The following ZEB2 variants were observed in gnomAD, a reference collection of about 807,000 sequenced individuals.
ZEB2 encodes zinc finger E-box binding homeobox 2, also known as zinc finger E-box-binding homeobox 2.
Under a neutral mutation model 99.9 loss-of-function variants are expected in ZEB2, and 6 were observed. The observed-to-expected ratio is 0.06, with a 90% CI of 0.03 to 0.12. ZEB2 has a LOEUF of 0.12. ZEB2 is among the 10% of genes least tolerant of loss of function. The probability of loss-of-function intolerance (pLI) is 1.00; values close to 1 mark genes in which losing one functional copy is unlikely to be tolerated. For synonymous variants in ZEB2, 517 were observed against 542.5 expected (o/e 0.95, Z 0.65); for missense variants, 969 against 1,502.8 (o/e 0.64, Z 5.87).
At chr2:144,483,971 A>C (rs1704555978) in intron 2 of ZEB2, among the ~76,000 whole-genome samples, 1 of 152,182 alleles carries the variant, frequency 6.6e-6, no homozygotes, top group South Asian at 2.1e-4. Flanking sequence ...GGTCAAGCAA[A>C]TCATATTTGG....
chr2:144,425,408 TAAC>T (rs1703679190), intron 3 of ZEB2, among the ~76,000 whole-genome samples: 1 of 152,186 alleles, frequency 6.6e-6, no homozygotes, highest in African/African-American at 2.4e-5. Context: ...ATCCCAGAAG[TAAC>T]AACAATACCT....
chr2:144,429,948 C>A lies in ZEB2; in HGVS notation c.152G>T (p.Gly51Val), dbSNP rs1429970357. The part of the protein sequence containing the change: ...EDKLHIAEDD[G>V]IANPLDQETS... ...CTCCTGGTCCAGAGGGTTGGCAATACCGTCATCCTCAGCAATATGAAGCTT... is the reference window on the plus strand; with the variant it reads ...CTCCTGGTCCAGAGGGTTGGCAATAACGTCATCCTCAGCAATATGAAGCTT... Residue 51 changes from glycine (G) to valine (V), a missense_variant, in exon 3 of 10, where the codon GGT (glycine) becomes GTT (valine). Physicochemically the swap from Gly to Val is moderately radical, Grantham distance 109 (BLOSUM62 -3). Coordinates refer to ENST00000627532, the MANE Select transcript of ZEB2 (RefSeq NM_014795.4). 1 of 1,613,728 alleles carries A rather than the reference C, an allele frequency of 6.2e-7. No individual in the cohort carries two copies. The highest frequency in any genetic ancestry group is 2.2e-5 in the East Asian group (1 of 44,860).
At chr2:144,441,209 A>AGAGAGAGAGAGAGAGAGAGAC (rs1553965039) in intron 2 of ZEB2, among the ~76,000 whole-genome samples, 3 of 24,272 alleles carry the variant, frequency 1.2e-4, no homozygotes, top group Non-Finnish European at 1.1e-4. Flanking sequence ...GAGAGAGAGA[A>AGAGAGAGAGAGAGAGAGAGAC]CCTCATGCCT....
At chr2:144,477,932 CT>C (rs1334273517) in intron 2 of ZEB2, among the ~76,000 whole-genome samples, 1 of 151,882 alleles carries the variant, frequency 6.6e-6, no homozygotes, top group Non-Finnish European at 1.5e-5. Flanking sequence ...GAATCTATTG[CT>C]TTTTTTTAAT....
intron 8 of ZEB2, among the ~76,000 whole-genome samples, 169 bp from the exon 9 acceptor site, chr2:144,396,761 G>A (rs941156445): frequency 1.3e-5 from 2 of 152,106 alleles, no homozygotes; most frequent in Non-Finnish European, 2.9e-5. Flanking sequence ...TGCAGTATAT[G>A]CAACAATATA....
At chr2:144,417,550 G>C (rs1445413276) in intron 4 of ZEB2, among the ~76,000 whole-genome samples, 2 of 152,088 alleles carry the variant, frequency 1.3e-5, no homozygotes, top group African/African-American at 4.8e-5. Flanking sequence ...ATGTCCTCCA[G>C]GTTTATCCAT....
chr2:144,442,473 C>A (rs1349988533), intron 2 of ZEB2, among the ~76,000 whole-genome samples: 1 of 152,038 alleles, frequency 6.6e-6, no homozygotes, highest in Non-Finnish European at 1.5e-5. Context: ...ATTTTCAAGC[C>A]AAGGAACATA....
rs567165893 is a variant in ZEB2, at chr2:144,512,486, C to G, written c.73+4792G>C. ...ATAACCTCTTGGAATTTTCTTTAAG[C>G]AAATTAAGAAGGAAGGGAAACACTG... On this transcript the variant is annotated intron_variant, in intron 2 of 9. Coordinates refer to ENST00000627532, the MANE Select transcript of ZEB2 (RefSeq NM_014795.4). 7 of 1,287,080 alleles carry G rather than the reference C, an allele frequency of 5.4e-6. No individual in the cohort carries two copies. The African/African-American group carries it at 7.6e-5, about 14-fold the overall frequency. The allele number at this position is 1,287,080 out of a possible 1,614,324, so 79.7% of individuals were successfully genotyped here.
chr2:144,419,149 T>G (rs923276921), intron 4 of ZEB2, among the ~76,000 whole-genome samples: 1 of 152,204 alleles, frequency 6.6e-6, no homozygotes, highest in Non-Finnish European at 1.5e-5. Context: ...TTGGTAGAGA[T>G]AAAATTCAAG....
chr2:144,436,025 T>C (rs767006564), intron 2 of ZEB2, among the ~76,000 whole-genome samples: 10 of 152,098 alleles, frequency 6.6e-5, no homozygotes, highest in Non-Finnish European at 1.2e-4. Context: ...TATTTAATAA[T>C]GGAGGCCTAG....
At chr2:144,479,979 C>T (rs1289916693) in intron 2 of ZEB2, among the ~76,000 whole-genome samples, 1 of 152,112 alleles carries the variant, frequency 6.6e-6, no homozygotes, top group Non-Finnish European at 1.5e-5. Flanking sequence ...CTTGATTCAG[C>T]AAATTGTCCT....
At chr2:144,500,693 G>A (rs1477104200) in intron 2 of ZEB2, among the ~76,000 whole-genome samples, 1 of 152,074 alleles carries the variant, frequency 6.6e-6, no homozygotes, top group Admixed American at 6.6e-5. Context: ...AGAAACCCTT[G>A]GTTTCAATCT....
chr2:144,461,251 T>G (rs911585255), intron 2 of ZEB2: 1 of 152,006 alleles, frequency 6.6e-6, no homozygotes, highest in African/African-American at 2.4e-5. Context: ...TCCCGGAGTA[T>G]AAAAGCATTA....
At position 144,514,735 on chromosome 2, in the gene ZEB2, T is replaced by C. The variant is rs543155641; in HGVS notation, c.73+2543A>G. ...GTATACAGCATGTTTTCCCACAGCT[T>C]ATTTGGAAAAAAAGACAGGTAACAG... is the stretch of plus-strand genomic sequence containing the variant. On this transcript the variant is annotated intron_variant, in intron 2 of 9. Transcript: ENST00000627532. Among the ~76,000 whole-genome samples, 23 of 152,272 alleles carry C rather than the reference T, an allele frequency of 1.5e-4. No individual in the cohort carries two copies. The South Asian group carries it at 1.9e-3, about 12-fold the overall frequency.
intron 2 of ZEB2, among the ~76,000 whole-genome samples, chr2:144,443,001 T>C (rs1703936148): frequency 6.6e-6 from 1 of 152,172 alleles, no homozygotes; most frequent in South Asian, 2.1e-4. Flanking sequence ...AATTTTCACA[T>C]GACACTTTCT....
In ZEB2 at chr2:144,517,319, C is replaced by G. The variant is rs1476193985; in HGVS notation, c.32G>C (p.Arg11Pro). Residue 11 changes from arginine to proline, a missense_variant, in exon 2 of 10, where the codon CGG becomes CCG. Arg to Pro is a moderately radical substitution (Grantham distance 103). Transcript: ENST00000627532. MKQPIMADGP[R>P]CKRRKQANPR... ...ATTGGCTTGTTTGCGCCTCTTGCAC[C>G]GGGGGCCATCCGCCATGATCGGCTG... 1.9e-6 allele frequency: 3 copies of G among 1,613,444 alleles called. No individual in the cohort carries two copies. The highest frequency in any genetic ancestry group is 3.3e-5 in the Admixed American group (2 of 60,004).
At chr2:144,486,873 T>C (rs892833374) in intron 2 of ZEB2, among the ~76,000 whole-genome samples, 36 of 152,312 alleles carry the variant, frequency 2.4e-4, no homozygotes, top group African/African-American at 8.2e-4. Flanking sequence ...AAAAATAAAG[T>C]CAATTCTTCT....
chr2:144,492,598 C>G (rs969180324), intron 2 of ZEB2, among the ~76,000 whole-genome samples: 1 of 152,232 alleles, frequency 6.6e-6, no homozygotes, highest in African/African-American at 2.4e-5. Context: ...AAAGCCTACA[C>G]TCTTCCGAGC....
chr2:144,488,555 T>C (rs1181908196), intron 2 of ZEB2, among the ~76,000 whole-genome samples: 1 of 152,122 alleles, frequency 6.6e-6, no homozygotes, highest in Non-Finnish European at 1.5e-5. Flanking sequence ...AGAAAATCCA[T>C]GACTTTTTTT....
Sources: allele counts gnomAD v4.1 joint callset (sites outside exome capture counted in the v4.1 genomes callset), GRCh38; gene constraint gnomAD v4.1.1; transcripts MANE v1.5; gene names NCBI Gene and HGNC (gene_info 2026-07-23, HGNC 2026-07-21).